ANGPT2: variants seen among roughly 807,000 people sequenced by gnomAD.
ANGPT2 encodes the protein angiopoietin-2.
ANGPT2 carries 28 observed loss-of-function variants against 62.9 expected under a neutral mutation model. The ratio of observed to expected loss-of-function variants is 0.44; its 90% CI spans 0.33 to 0.61. ANGPT2 has a LOEUF of 0.61. ANGPT2 is among the 20% of genes least tolerant of loss of function. The pLI is 0.03. For synonymous variants in ANGPT2, 284 were observed against 207.8 expected (o/e 1.37, Z -3.15); for missense variants, 727 against 594.9 (o/e 1.22, Z -2.31).
At chr8:6,523,140 G>C (rs1817679052) in intron 3 of ANGPT2, among the ~76,000 whole-genome samples, 1 of 151,996 alleles carries the variant, frequency 6.6e-6, no homozygotes, top group Non-Finnish European at 1.5e-5. Context: ...TGGGACTACA[G>C]GCGCATGTCA....
intron 1 of ANGPT2, among the ~76,000 whole-genome samples, chr8:6,539,730 G>A (rs951488612): frequency 1.3e-5 from 2 of 152,140 alleles, no homozygotes; most frequent in African/African-American, 4.8e-5. Context: ...GGGGTTACAG[G>A]CGCACACCAC....
At chr8:6,518,821 C>T (rs1433463592) in intron 5 of ANGPT2, among the ~76,000 whole-genome samples, 3 of 152,166 alleles carry the variant, frequency 2.0e-5, no homozygotes, top group Non-Finnish European at 2.9e-5. Context: ...CCAGTAGTTA[C>T]ATAACACTTC....
rs371601216 is a variant in ANGPT2 at position 6,527,545 on chromosome 8, C to T, written c.566+10G>A. On this transcript the variant is annotated intron_variant, in intron 3 of 8. Coordinates refer to ENST00000629816, the MANE Select transcript of ANGPT2 (RefSeq NM_001118887.2). ...GTCCTGAATTATAAATGTTTTAGTA[C>T]TGTTATTACCTGTTCTTATCTTGCA... 17 of 1,611,312 alleles carry T rather than the reference C, an allele frequency of 1.1e-5. No homozygotes were observed. Among genetic ancestry groups the T allele is most frequent in the Admixed American group, 3.4e-5 (2 of 59,656 alleles).
intron 1 of ANGPT2, among the ~76,000 whole-genome samples, chr8:6,545,047 T>A (rs561746732): frequency 1.4e-4 from 21 of 152,260 alleles, no homozygotes; most frequent in Non-Finnish European, 3.1e-4. Flanking sequence ...ATGAATGCCA[T>A]CACAGACATC....
intron 5 of ANGPT2, among the ~76,000 whole-genome samples, chr8:6,519,160 G>C (rs1048331616): frequency 7.2e-5 from 11 of 152,330 alleles, no homozygotes; most frequent in African/African-American, 2.4e-4. Flanking sequence ...GACTGCGTTA[G>C]ATGAGGTTAG....
intron 2 of ANGPT2, among the ~76,000 whole-genome samples, chr8:6,528,301 T>C: frequency 6.6e-6 from 1 of 152,200 alleles, no homozygotes; most frequent in East Asian, 1.9e-4. Flanking sequence ...TTTCATACAA[T>C]GAGACAAGTA....
At chr8:6,509,148 T>C (rs1409877421) in intron 7 of ANGPT2, 86 bp from the exon 8 acceptor site, 6 of 1,525,946 alleles carry the variant, frequency 3.9e-6, no homozygotes, top group African/African-American at 1.4e-5. Context: ...AGAATTCCAT[T>C]CTACAGAAGC....
intron 8 of ANGPT2, among the ~76,000 whole-genome samples, chr8:6,504,621 T>A (rs144802280): frequency 9.9e-5 from 15 of 152,276 alleles, no homozygotes; most frequent in African/African-American, 3.6e-4. Context: ...AGCTGTAAAG[T>A]GCTTCCTTTA....
At chr8:6,554,419 G>C (rs2959764) in intron 1 of ANGPT2, among the ~76,000 whole-genome samples, 19,517 of 151,924 alleles carry the variant, frequency 0.13, 3,458 homozygotes, top group African/African-American at 0.4. Context: ...GGAAATGATT[G>C]CTTCTCTATG....
At chr8:6,505,737 ATATT>A (rs1477692293) in intron 8 of ANGPT2, among the ~76,000 whole-genome samples, 2 of 134,202 alleles carry the variant, frequency 1.5e-5, no homozygotes, top group African/African-American at 5.5e-5. Context: ...TATTCTATAT[ATATT>A]CTTTATATAT....
intron 6 of ANGPT2, 25 bp from the exon 7 acceptor site, chr8:6,513,869 A>G (rs373029452): frequency 7.0e-5 from 110 of 1,580,666 alleles, no homozygotes; most frequent in Non-Finnish European, 8.3e-5. Context: ...GTTAAATTCA[A>G]TTATTTCATG....
rs923085998 is a variant in ANGPT2 at position 6,505,744 on chromosome 8, TTATA to T, written c.1328-2487_1328-2484del. ...TCTATATATATTCTATATATATTCT[TTATA>T]TATACGTATATATAGAATATATATA... On this transcript the variant is annotated intron_variant, in intron 8 of 8. Transcript: ENST00000629816. Among the ~76,000 whole-genome samples, 85 of 134,350 alleles carry T rather than the reference TTATA, an allele frequency of 6.3e-4. 1 individual carries two copies. Among genetic ancestry groups the T allele is most frequent in the Admixed American group, 2.0e-3 (25 of 12,704 alleles). The allele number at this position is 134,350 out of a possible 152,430, so 88.1% of individuals were successfully genotyped here.
intron 1 of ANGPT2, among the ~76,000 whole-genome samples, chr8:6,554,508 T>C (rs1824243181): frequency 6.6e-6 from 1 of 152,194 alleles, no homozygotes; most frequent in Admixed American, 6.5e-5. Flanking sequence ...AAAAGCTCCA[T>C]TGTCCATAAA....
intron 5 of ANGPT2, among the ~76,000 whole-genome samples, chr8:6,518,699 C>A (rs934339718): frequency 6.6e-6 from 1 of 152,122 alleles, no homozygotes; most frequent in African/African-American, 2.4e-5. Flanking sequence ...AAAATTTCCA[C>A]TTTGGTACAG....
intron 1 of ANGPT2, among the ~76,000 whole-genome samples, chr8:6,557,179 G>C (rs966344610): frequency 6.6e-6 from 1 of 152,182 alleles, no homozygotes; most frequent in African/African-American, 2.4e-5. Flanking sequence ...GCTTTTGTCA[G>C]AGGAGGGGAT....
rs138334051 is a variant in ANGPT2 at position 6,516,514 on chromosome 8, C to T, written c.928-1736G>A. On this transcript the variant is annotated intron_variant, in intron 5 of 8. Coordinates refer to ENST00000629816, the MANE Select transcript of ANGPT2 (RefSeq NM_001118887.2). ...CCTTTGGTAAATAGGCCAAAAGTCC[C>T]TCAACACAGTTCCAAGTTTAAATCA... Among the ~76,000 whole-genome samples the T allele has an allele frequency of 2.9e-3, 440 of 152,298 alleles. 5 individuals are homozygous for T. The highest frequency in any genetic ancestry group is 2.0e-3 in the Admixed American group (30 of 15,302).
At position 6,532,501 on chromosome 8, in the gene ANGPT2, G is replaced by T; in HGVS notation, c.289-14C>A. The T allele has an allele frequency of 5.0e-6, 8 of 1,588,574 alleles. No homozygotes were observed. Among genetic ancestry groups the T allele is most frequent in the Non-Finnish European group, 6.0e-6 (7 of 1,166,460 alleles). The stretch of plus-strand genomic sequence containing the variant: ...ATAATTCTCAAGCTAGAAAAGAACA[G>T]TGTTAGAAGGCAGTCATTAGTCAAA... On this transcript the variant is annotated splice_polypyrimidine_tract_variant and intron_variant, in intron 1 of 8. Transcript: ENST00000629816.
At chr8:6,544,465 T>G (rs1822176563) in intron 1 of ANGPT2, among the ~76,000 whole-genome samples, 1 of 152,210 alleles carries the variant, frequency 6.6e-6, no homozygotes, top group South Asian at 2.1e-4. Flanking sequence ...AGAGAGTATT[T>G]TACTACAAAA....
rs116147759 is a variant in ANGPT2, at chr8:6,509,685, G to A, written c.1197-623C>T. ...TACAGACGATCCCTGACTTCCCATG[G>A]GGCTATGTTCTGATAAGCCCATTTT... On this transcript the variant is annotated intron_variant, in intron 7 of 8. Coordinates refer to ENST00000629816, the MANE Select transcript of ANGPT2 (RefSeq NM_001118887.2). Among the ~76,000 whole-genome samples, 1,384 of 152,214 alleles carry A rather than the reference G, an allele frequency of 9.1e-3. 20 individuals are homozygous for A. The highest frequency in any genetic ancestry group is 0.031 in the African/African-American group (1,301 of 41,510).
Sources: allele counts gnomAD v4.1 joint callset (sites outside exome capture counted in the v4.1 genomes callset), GRCh38; gene constraint gnomAD v4.1.1; transcripts MANE v1.5; gene names NCBI Gene and HGNC (gene_info 2026-07-23, HGNC 2026-07-21).